DOC2B: variants seen among roughly 807,000 people sequenced by gnomAD.
DOC2B encodes double C2 domain beta.
A neutral mutation model predicts 28.9 loss-of-function variants in DOC2B; 21 were observed. The observed-to-expected ratio is 0.73, with a 90% CI of 0.52 to 1.05. DOC2B has a LOEUF of 1.05. Ranked by LOEUF, DOC2B falls within the 50% of genes least tolerant of loss-of-function variation. The pLI, the probability that DOC2B is intolerant of heterozygous loss-of-function variation, is 0.00. For synonymous variants in DOC2B, 194 were observed against 178.1 expected (o/e 1.09, Z -0.71); for missense variants, 384 against 421.1 (o/e 0.91, Z 0.77).
At chr17:159,319 C>T (rs1228239105) in intron 5 of DOC2B, among the ~76,000 whole-genome samples, 3 of 151,958 alleles carry the variant, frequency 2.0e-5, no homozygotes, top group African/African-American at 4.8e-5. Flanking sequence ...GGCGAACCCC[C>T]GTCTCTACTA....
At chr17:162,570 C>A (rs1555523417) in intron 3 of DOC2B, among the ~76,000 whole-genome samples, 1 of 152,238 alleles carries the variant, frequency 6.6e-6, no homozygotes, top group African/African-American at 2.4e-5. Flanking sequence ...AAACTGTGGG[C>A]TCCCCGGGCT....
At chr17:153,139 G>A (rs956678910) in intron 6 of DOC2B, among the ~76,000 whole-genome samples, 13 of 152,124 alleles carry the variant, frequency 8.5e-5, no homozygotes, top group South Asian at 2.1e-4. Flanking sequence ...CCCACAGCTC[G>A]GCCTGTCTTT....
At chr17:179,373 C>A (rs903479662) in intron 1 of DOC2B, among the ~76,000 whole-genome samples, 1 of 144,126 alleles carries the variant, frequency 6.9e-6, no homozygotes, top group Non-Finnish European at 1.5e-5. Flanking sequence ...CTGGTCCCCT[C>A]CTTGCTTTGT....
chr17:180,266 G>A (rs1435426803), intron 1 of DOC2B, among the ~76,000 whole-genome samples: 1 of 152,198 alleles, frequency 6.6e-6, no homozygotes, highest in South Asian at 2.1e-4. Flanking sequence ...AGCCAGTCCC[G>A]GCTCGGGCCG....
chr17:180,435 G>C (rs1264704430), intron 1 of DOC2B, among the ~76,000 whole-genome samples: 5 of 152,158 alleles, frequency 3.3e-5, no homozygotes, highest in African/African-American at 9.6e-5. Context: ...GGCCGCGGGC[G>C]TAACAGGTGG....
chr17:178,301 A>G (rs148804384), intron 1 of DOC2B, among the ~76,000 whole-genome samples: 4,404 of 152,320 alleles, frequency 0.029, 210 homozygotes, highest in African/African-American at 0.1. Flanking sequence ...CCATCACCCC[A>G]ACAGTGCTGA....
intron 1 of DOC2B, among the ~76,000 whole-genome samples, chr17:178,734 A>G (rs1453026448): frequency 6.6e-6 from 1 of 152,254 alleles, no homozygotes; most frequent in African/African-American, 2.4e-5. Flanking sequence ...GTAAATAAAC[A>G]GCACTTCACT....
At chr17:156,145 C>T (rs1015717789) in intron 6 of DOC2B, 75 bp downstream of exon 6, 21 of 1,460,266 alleles carry the variant, frequency 1.4e-5, no homozygotes, top group Non-Finnish European at 1.9e-5. Context: ...CCACCTGGGA[C>T]CACGGAGCCG....
chr17:179,466 G>T (rs112686725), intron 1 of DOC2B, among the ~76,000 whole-genome samples: 1 of 152,014 alleles, frequency 6.6e-6, no homozygotes, highest in Non-Finnish European at 1.5e-5. Flanking sequence ...GCACCAGGAG[G>T]GTGGCCTGAA....
chr17:169,017 T>TG (rs1283720928), intron 2 of DOC2B, among the ~76,000 whole-genome samples: 1 of 152,038 alleles, frequency 6.6e-6, no homozygotes, highest in South Asian at 2.1e-4. Context: ...AGGGAAGAGA[T>TG]GGGGGGTCTG....
At chr17:155,351 G>A (rs1301803533) in intron 6 of DOC2B, among the ~76,000 whole-genome samples, 3 of 152,166 alleles carry the variant, frequency 2.0e-5, no homozygotes, top group Non-Finnish European at 1.5e-5. Flanking sequence ...TGCCCCTAGA[G>A]CTGTGCCACG....
chr17:147,939 T>G (rs1346014639), intron 8 of DOC2B, among the ~76,000 whole-genome samples: 2 of 152,118 alleles, frequency 1.3e-5, no homozygotes, highest in African/African-American at 4.8e-5. Flanking sequence ...TGCCCATCAT[T>G]GTCTCTTGTC....
Position 181,387 on chromosome 17 carries a change from C to A in DOC2B, c.93G>T (p.Lys31Asn). Residue 31 changes from lysine to asparagine, a missense_variant, in exon 1 of 9, where the codon AAG (lysine) becomes AAT (asparagine). Transcript: ENST00000613549. This position sits in a 1 kb window ranked among gnomAD's most constrained non-coding sequence, Gnocchi z 7.0. ...DVCPGPIRPI[K>N]QISDYFPRFP... ...AGCGGGGGAAGTAGTCGGAGATCTGCTTGATGGGACGGATGGGGCCGGGGC... is the reference window on the plus strand; with the variant it reads ...AGCGGGGGAAGTAGTCGGAGATCTGATTGATGGGACGGATGGGGCCGGGGC... 1 of 1,161,504 alleles carries A rather than the reference C, an allele frequency of 8.6e-7. No homozygotes were observed. The highest frequency in any genetic ancestry group is 5.3e-5 in the East Asian group (1 of 18,978). The allele number at this position is 1,161,504 out of a possible 1,614,324, so 71.9% of individuals were successfully genotyped here.
intron 2 of DOC2B, among the ~76,000 whole-genome samples, chr17:169,506 TA>T (rs964942326): frequency 2.1e-4 from 31 of 151,148 alleles, no homozygotes; most frequent in Admixed American, 9.9e-4. Flanking sequence ...AGGGAAGAAG[TA>T]AAAAAAAGTG....
intron 2 of DOC2B, among the ~76,000 whole-genome samples, chr17:166,381 G>C (rs1456367001): frequency 6.6e-6 from 1 of 152,254 alleles, no homozygotes; most frequent in Non-Finnish European, 1.5e-5. Flanking sequence ...CCAGGGCAGG[G>C]AGCTGCTAGT....
chr17:169,882 C>T (rs931813870), intron 2 of DOC2B, among the ~76,000 whole-genome samples: 3 of 152,204 alleles, frequency 2.0e-5, no homozygotes, highest in Non-Finnish European at 2.9e-5. Context: ...GGCCTCCCAC[C>T]CCCACTTCTG....
At chr17:148,907 C>T (rs1445933859) in intron 7 of DOC2B, among the ~76,000 whole-genome samples, 1 of 151,660 alleles carries the variant, frequency 6.6e-6, no homozygotes, top group Admixed American at 6.6e-5. Flanking sequence ...ACACTTCCCT[C>T]CCCCCAGCCC....
intron 5 of DOC2B, among the ~76,000 whole-genome samples, chr17:158,538 G>T (rs1231422882): frequency 6.6e-6 from 1 of 152,212 alleles, no homozygotes; most frequent in Non-Finnish European, 1.5e-5. Context: ...CCCACGCCCA[G>T]AGCAGACATG....
intron 1 of DOC2B, among the ~76,000 whole-genome samples, chr17:173,747 C>T (rs1253367874): frequency 1.3e-5 from 2 of 152,060 alleles, no homozygotes; most frequent in Non-Finnish European, 2.9e-5. Flanking sequence ...CAAAGAGGGG[C>T]TGGGGGAGGT....
Sources: allele counts gnomAD v4.1 joint callset (sites outside exome capture counted in the v4.1 genomes callset), GRCh38; gene constraint gnomAD v4.1.1; non-coding constraint Gnocchi (gnomAD v3.1); transcripts MANE v1.5; gene names NCBI Gene and HGNC (gene_info 2026-07-23, HGNC 2026-07-21).